The following FRMD4A variants were observed in gnomAD, a reference collection of about 807,000 sequenced individuals.
The protein encoded by FRMD4A is FERM domain containing 4A.
In FRMD4A, 29 loss-of-function variants were observed where a neutral mutation model predicts 129.1. The ratio of observed to expected loss-of-function variants is 0.22; its 90% CI spans 0.17 to 0.31. The LOEUF (loss-of-function observed/expected upper bound fraction) is 0.31. FRMD4A is among the 10% of genes least tolerant of loss of function. FRMD4A has a pLI of 1.00. For missense variants in FRMD4A, 1,272 were observed against 1,375.8 expected, an observed-to-expected ratio of 0.92 and a Z score of 1.19; for synonymous variants, 634 against 571.6, an observed-to-expected ratio of 1.11 and a Z score of -1.56.
In FRMD4A at chr10:13,783,996, G is replaced by C. The variant is rs745878394; in HGVS notation, c.300-990C>G. Among the ~76,000 whole-genome samples the C allele has an allele frequency of 1.8e-4, 27 of 152,284 alleles. 2 individuals carry two copies. Among genetic ancestry groups the C allele is most frequent in the Middle Eastern group, 3.4e-3 (1 of 294 alleles). ...TGTCTAATGACCAGCCGCACTGAAG[G>C]ACTAGGAGTTGAAAGGAAGAGAGGG... On this transcript the variant is annotated intron_variant, in intron 5 of 24. Transcript: ENST00000357447.
At chr10:13,755,358 A>C (rs2130672869) in intron 8 of FRMD4A, among the ~76,000 whole-genome samples, 1 of 152,336 alleles carries the variant, frequency 6.6e-6, no homozygotes, top group Admixed American at 6.5e-5. Context: ...AAGGCAGAAC[A>C]GATTTCAAAG....
At chr10:14,074,574 C>T (rs34704317) in intron 2 of FRMD4A, 41,754 of 152,024 alleles carry the variant, frequency 0.27, 6,001 homozygotes, top group East Asian at 0.38. Context: ...GGTCACGCCT[C>T]AGGAACACGT....
chr10:14,170,799 A>G (rs1409914725), intron 2 of FRMD4A, among the ~76,000 whole-genome samples: 1 of 123,236 alleles, frequency 8.1e-6, no homozygotes, highest in African/African-American at 2.9e-5. Flanking sequence ...CCACTCCCCT[A>G]CCTCTCTTCC....
intron 21 of FRMD4A, among the ~76,000 whole-genome samples, chr10:13,658,584 A>G (rs1163693507): frequency 6.6e-6 from 1 of 152,196 alleles, no homozygotes; most frequent in Non-Finnish European, 1.5e-5. Context: ...GCTTCTTTTT[A>G]GAAAAAGAAG....
intron 12 of FRMD4A, among the ~76,000 whole-genome samples, chr10:13,733,176 C>T (rs2090424257): frequency 6.6e-6 from 1 of 152,222 alleles, no homozygotes; most frequent in Non-Finnish European, 1.5e-5. Context: ...GGGTGTGGGG[C>T]TTTTTGTAGC....
chr10:14,102,161 G>A (rs57568446), intron 2 of FRMD4A, among the ~76,000 whole-genome samples: 6,532 of 152,218 alleles, frequency 0.043, 430 homozygotes, highest in African/African-American at 0.14. Flanking sequence ...CCTAAATGAC[G>A]GAGCCTAAGG....
At chr10:13,705,666 C>T (rs529976673) in intron 13 of FRMD4A, among the ~76,000 whole-genome samples, 63 of 152,292 alleles carry the variant, frequency 4.1e-4, no homozygotes, top group Middle Eastern at 3.4e-3. Context: ...TTTTTGAAAT[C>T]TCCCCGCCCA....
intron 2 of FRMD4A, among the ~76,000 whole-genome samples, chr10:13,937,611 C>G (rs1216332910): frequency 1.3e-5 from 2 of 152,070 alleles, no homozygotes; most frequent in African/African-American, 4.8e-5. Flanking sequence ...GTTCATTATC[C>G]TTCGTGAGTA....
intron 4 of FRMD4A, among the ~76,000 whole-genome samples, chr10:13,802,332 G>A (rs917470523): frequency 9.9e-5 from 15 of 152,194 alleles, no homozygotes; most frequent in African/African-American, 2.9e-4. Flanking sequence ...ATCTGAATCC[G>A]TCACTTTCCA....
chr10:13,735,878 G>A (rs1053192044), intron 12 of FRMD4A, among the ~76,000 whole-genome samples: 5 of 152,214 alleles, frequency 3.3e-5, no homozygotes, highest in Non-Finnish European at 5.9e-5. Context: ...GTCAGGCCAG[G>A]TGTGGTGGCT....
intron 2 of FRMD4A, among the ~76,000 whole-genome samples, chr10:14,108,367 C>T (rs534533478): frequency 2.0e-5 from 3 of 152,330 alleles, no homozygotes; most frequent in Non-Finnish European, 4.4e-5. Flanking sequence ...GCACTGATCA[C>T]CAAATCTGTC....
chr10:14,061,832 T>C (rs935764322), intron 2 of FRMD4A, among the ~76,000 whole-genome samples: 1 of 152,192 alleles, frequency 6.6e-6, no homozygotes, highest in African/African-American at 2.4e-5. Context: ...GAAGATACCA[T>C]ATGAGCCACA....
At chr10:13,690,790 C>T (rs960663302) in intron 15 of FRMD4A, among the ~76,000 whole-genome samples, 4 of 152,142 alleles carry the variant, frequency 2.6e-5, no homozygotes, top group African/African-American at 7.2e-5. Context: ...GGGGCCCCAG[C>T]GCTGAATGAT....
intron 2 of FRMD4A, among the ~76,000 whole-genome samples, chr10:14,067,754 T>C (rs959475317): frequency 1.3e-5 from 2 of 151,810 alleles, no homozygotes; most frequent in Non-Finnish European, 2.9e-5. Flanking sequence ...GAGGTGGAGG[T>C]TGCAGTGAGC....
intron 3 of FRMD4A, 91 bp downstream of exon 3, chr10:13,858,756 T>C: frequency 1.2e-6 from 1 of 803,960 alleles, no homozygotes; most frequent in Non-Finnish European, 2.2e-6. Flanking sequence ...AAAAACAGTT[T>C]ACCAAATCCC....
intron 3 of FRMD4A, among the ~76,000 whole-genome samples, chr10:13,846,151 T>G (rs1381004957): frequency 6.6e-6 from 1 of 152,220 alleles, no homozygotes; most frequent in Non-Finnish European, 1.5e-5. Flanking sequence ...TTCAATTAGC[T>G]AATATGATGA....
chr10:13,970,895 C>T (rs2095513811), intron 2 of FRMD4A, among the ~76,000 whole-genome samples: 1 of 152,228 alleles, frequency 6.6e-6, no homozygotes, highest in Admixed American at 6.5e-5. Context: ...GTGCCACTCT[C>T]CCTCAGGAAA....
At chr10:14,139,510 C>T (rs1839726094) in intron 2 of FRMD4A, among the ~76,000 whole-genome samples, 1 of 151,972 alleles carries the variant, frequency 6.6e-6, no homozygotes, top group Admixed American at 6.6e-5. Context: ...AATACTGTGG[C>T]TCAACCATGG....
At chr10:14,064,253 T>C (rs1003009308) in intron 2 of FRMD4A, among the ~76,000 whole-genome samples, 2 of 152,232 alleles carry the variant, frequency 1.3e-5, no homozygotes, top group Non-Finnish European at 2.9e-5. Context: ...TATATTGATG[T>C]TTTCCGTAAC....
Sources: gnomAD v4.1 joint callset for allele counts (sites outside exome capture counted in the v4.1 genomes callset) on GRCh38, gnomAD v4.1.1 for gene constraint, MANE v1.5 for transcripts, NCBI Gene and HGNC (gene_info 2026-07-23, HGNC 2026-07-21) for gene names.